The following TAF2 variants were observed in gnomAD, a reference collection of about 807,000 sequenced individuals.
TAF2 encodes the protein TATA-box binding protein associated factor 2.
A neutral mutation model predicts 138.5 loss-of-function variants in TAF2; 61 were observed. That is an observed-to-expected ratio of 0.44 (90% CI 0.36 to 0.54). The LOEUF (loss-of-function observed/expected upper bound fraction) is 0.54, where lower values mean the gene tolerates loss of function less well. Among genes scored for constraint, TAF2 ranks in the 20% least tolerant of loss-of-function variants. The pLI, the probability that TAF2 is intolerant of heterozygous loss-of-function variation, is 0.00. For missense variants in TAF2, 1,090 were observed against 1,427.9 expected (o/e 0.76, Z 3.81); for synonymous variants, 475 against 469.9 (o/e 1.01, Z -0.14).
chr8:119,831,875 T>C (rs868847720), intron 1 of TAF2, 144 bp from the exon 2 acceptor site: 8 of 558,468 alleles, frequency 1.4e-5, no homozygotes, highest in African/African-American at 3.9e-5. Flanking sequence ...AAACTACGAA[T>C]TGGGGCCTGG....
At chr8:119,792,238 C>A (rs920976120) in intron 10 of TAF2, among the ~76,000 whole-genome samples, 7 of 151,402 alleles carry the variant, frequency 4.6e-5, no homozygotes, top group Admixed American at 6.6e-5. Context: ...ACTGCAACCT[C>A]CACCTCCCAG....
intron 5 of TAF2, 65 bp downstream of exon 5, chr8:119,803,813 T>C: frequency 1.4e-6 from 2 of 1,431,204 alleles, no homozygotes; most frequent in Non-Finnish European, 1.9e-6. Flanking sequence ...CAAATGTATG[T>C]CTTGCTTATA....
chr8:119,806,763 T>C (rs1824686612), intron 3 of TAF2, among the ~76,000 whole-genome samples: 1 of 152,016 alleles, frequency 6.6e-6, no homozygotes, highest in African/African-American at 2.4e-5. Context: ...CCACCATGCC[T>C]GGCCTCTGAG....
intron 8 of TAF2, 124 bp from the exon 9 acceptor site, chr8:119,795,755 TAAC>T (rs752242402): frequency 2.7e-5 from 25 of 918,896 alleles, no homozygotes; most frequent in Non-Finnish European, 3.9e-5. Flanking sequence ...TGAAAATTAT[TAAC>T]AAATTATCAG....
intron 3 of TAF2, among the ~76,000 whole-genome samples, chr8:119,813,387 T>C (rs552592216): frequency 6.6e-6 from 1 of 152,366 alleles, no homozygotes; most frequent in Non-Finnish European, 1.5e-5. Context: ...GTGATTCTCT[T>C]GAGGACAGTG....
intron 15 of TAF2, among the ~76,000 whole-genome samples, chr8:119,784,524 A>G (rs1195571064): frequency 6.6e-6 from 1 of 152,356 alleles, no homozygotes; most frequent in Middle Eastern, 3.4e-3. Flanking sequence ...CTGATTTTGA[A>G]GGGCAAACAA....
At chr8:119,783,353 A>C (rs1434457820) in intron 16 of TAF2, 28 bp downstream of exon 16, 1 of 1,610,404 alleles carries the variant, frequency 6.2e-7, no homozygotes, top group East Asian at 2.2e-5. Context: ...TACAATAGTC[A>C]TTTCCTTTAT....
chr8:119,755,957 C>A, intron 22 of TAF2, 49 bp downstream of exon 22: 2 of 1,394,630 alleles, frequency 1.4e-6, no homozygotes, highest in South Asian at 1.2e-5. Context: ...GTTGTAAAAT[C>A]AAAATACTCT....
At chr8:119,786,907 C>A (rs1823051090) in intron 14 of TAF2, among the ~76,000 whole-genome samples, 1 of 152,026 alleles carries the variant, frequency 6.6e-6, no homozygotes, top group Admixed American at 6.6e-5. Flanking sequence ...GGTGACAGAG[C>A]AAGACTGTCT....
intron 2 of TAF2, among the ~76,000 whole-genome samples, chr8:119,824,610 AG>A (rs779001485): frequency 1.3e-5 from 2 of 152,160 alleles, no homozygotes; most frequent in Non-Finnish European, 2.9e-5. Flanking sequence ...CCGGAGGCCT[AG>A]GAGGAAAAAG....
rs759332776 is a variant in TAF2 at position 119,797,044 on chromosome 8, A to G, written c.1037T>C (p.Leu346Ser). Residue 346 changes from leucine to serine, a missense_variant, in exon 8 of 26, where the codon TTA becomes TCA. Physicochemically the swap from Leu to Ser is moderately radical, Grantham distance 145. Transcript: ENST00000378164. ...IDETPLTRRC[L>S]AQSLAQQFFG... ...AAACTGCTGGGCCAAGGATTGGGCTAAACACCTTCTAGTCAAAGGTGTCTC... is the reference window on the plus strand; with the variant it reads ...AAACTGCTGGGCCAAGGATTGGGCTGAACACCTTCTAGTCAAAGGTGTCTC... 2.5e-6 allele frequency: 4 copies of G among 1,613,304 alleles called. No homozygotes were observed. Among genetic ancestry groups the G allele is most frequent in the African/African-American group, 1.3e-5 (1 of 74,902 alleles).
chr8:119,759,287 G>A (rs1820902018), intron 20 of TAF2, among the ~76,000 whole-genome samples: 1 of 152,002 alleles, frequency 6.6e-6, no homozygotes, highest in East Asian at 1.9e-4. Flanking sequence ...CAACACATAA[G>A]AATATACACA....
chr8:119,758,302 A>C (rs755324125), intron 20 of TAF2, among the ~76,000 whole-genome samples, 160 bp from the exon 21 acceptor site: 9 of 152,204 alleles, frequency 5.9e-5, no homozygotes, highest in Non-Finnish European at 1.3e-4. Flanking sequence ...ATTTTTATGC[A>C]ATGGCCACTT....
chr8:119,778,386 C>T (rs1355668584), intron 17 of TAF2, among the ~76,000 whole-genome samples: 1 of 152,200 alleles, frequency 6.6e-6, no homozygotes, highest in Admixed American at 6.5e-5. Flanking sequence ...CCTTGGCCTT[C>T]ATTTGCTGGA....
intron 2 of TAF2, among the ~76,000 whole-genome samples, chr8:119,820,300 T>C (rs1034600003): frequency 2.6e-5 from 4 of 152,130 alleles, no homozygotes; most frequent in African/African-American, 9.7e-5. Flanking sequence ...GAAATAGCAA[T>C]ATTTCAGGAC....
At chr8:119,825,787 C>CTGCCT (rs576608686) in intron 2 of TAF2, among the ~76,000 whole-genome samples, 1 of 152,048 alleles carries the variant, frequency 6.6e-6, no homozygotes, top group Non-Finnish European at 1.5e-5. Context: ...TGTGTTCACA[C>CTGCCT]CATTCTCCTG....
chr8:119,765,549 A>G (rs1167809485), intron 18 of TAF2, among the ~76,000 whole-genome samples: 4 of 152,208 alleles, frequency 2.6e-5, no homozygotes, highest in African/African-American at 9.7e-5. Context: ...AGGGGTACAA[A>G]GCTGGAGGGG....
chr8:119,740,547 C>T (rs1337981947), intron 25 of TAF2, among the ~76,000 whole-genome samples: 3 of 147,084 alleles, frequency 2.0e-5, no homozygotes, highest in Non-Finnish European at 3.0e-5. Context: ...TGCCTGTAAT[C>T]CCAGCTACTT....
intron 25 of TAF2, among the ~76,000 whole-genome samples, 174 bp from the exon 26 acceptor site, chr8:119,732,360 T>C (rs905203193): frequency 6.6e-6 from 1 of 152,238 alleles, no homozygotes; most frequent in Admixed American, 6.5e-5. Flanking sequence ...ACAGAGTTTT[T>C]CAGCATTGTG....
Sources: allele counts gnomAD v4.1 joint callset (sites outside exome capture counted in the v4.1 genomes callset), GRCh38; gene constraint gnomAD v4.1.1; transcripts MANE v1.5; gene names NCBI Gene and HGNC (gene_info 2026-07-23, HGNC 2026-07-21).